PIGB: variants seen among roughly 807,000 people sequenced by gnomAD.
PIGB encodes GPI alpha-1,2-mannosyltransferase 3.
A neutral mutation model predicts 68.4 loss-of-function variants in PIGB; 58 were observed. The ratio of observed to expected loss-of-function variants is 0.85; its 90% CI spans 0.69 to 1.06. PIGB has a LOEUF of 1.06. Among genes scored for constraint, PIGB ranks in the 50% least tolerant of loss-of-function variants. The probability of loss-of-function intolerance (pLI) is 0.00; values close to 1 mark genes in which losing one functional copy is unlikely to be tolerated. For missense variants in PIGB, 634 were observed against 655.8 expected, an observed-to-expected ratio of 0.97 and a Z score of 0.36; for synonymous variants, 219 against 220.5, an observed-to-expected ratio of 0.99 and a Z score of 0.06.
At chr15:55,348,306 AAGTG>A (rs1157925771) in intron 9 of PIGB, 1 of 152,194 alleles carries the variant, frequency 6.6e-6, no homozygotes, top group Non-Finnish European at 1.5e-5. Flanking sequence ...AATTATTAAT[AAGTG>A]AATCACTTTA....
intron 11 of PIGB, 76 bp downstream of exon 11, chr15:55,355,054 A>T (rs1680590154): frequency 2.5e-6 from 3 of 1,215,096 alleles, no homozygotes; most frequent in Non-Finnish European, 3.5e-6. Context: ...AGGTAAATAG[A>T]TAATATAACC....
intron 4 of PIGB, 41 bp downstream of exon 4, chr15:55,327,676 C>T (rs777710439): frequency 4.3e-6 from 5 of 1,158,230 alleles, no homozygotes; most frequent in Middle Eastern, 1.9e-4. Context: ...CCAGTTATTT[C>T]GTTCCTATGG....
At chr15:55,320,193 A>G (rs772314095) in intron 1 of PIGB, 82 bp from the exon 2 acceptor site, 248 of 1,386,946 alleles carry the variant, frequency 1.8e-4, no homozygotes, top group Admixed American at 4.2e-4. Context: ...CAAGGAGCCA[A>G]CCAGAGCAGC....
In PIGB at chr15:55,319,259, G is replaced by C; in HGVS notation, c.9G>C (p.Arg3Ser). MR[R>S]PLSKCGMEPG... Reference sequence around the variant, plus strand: ...GAAGGTGGCGGCCAGGGATGAGGAGGCCCCTAAGCAAGTGCGGAATGGAGC... The same window carrying C: ...GAAGGTGGCGGCCAGGGATGAGGAGCCCCCTAAGCAAGTGCGGAATGGAGC... The change falls in exon 1 of 12, where the codon AGG (arginine) becomes AGC (serine). Residue 3 changes from arginine to serine, a missense_variant. Physicochemically the swap from Arg to Ser is moderately radical, Grantham distance 110 (BLOSUM62 -1). Coordinates refer to ENST00000164305, the MANE Select transcript of PIGB (RefSeq NM_004855.5). The C allele has an allele frequency of 6.2e-7, 1 of 1,606,100 alleles. No homozygotes were observed. The highest frequency in any genetic ancestry group is 1.3e-5 in the African/African-American group (1 of 74,942).
chr15:55,320,229 T>G (rs781497032), intron 1 of PIGB, 46 bp from the exon 2 acceptor site: 5 of 1,586,470 alleles, frequency 3.2e-6, no homozygotes, highest in Non-Finnish European at 4.3e-6. Flanking sequence ...CAAGTGGAAC[T>G]GCCTGACTTT....
At chr15:55,347,983 CTTTTTTTT>C (rs576991463) in intron 9 of PIGB, among the ~76,000 whole-genome samples, 1,622 of 94,008 alleles carry the variant, frequency 0.017, 25 homozygotes, top group African/African-American at 0.054. Context: ...GCCATAGTTT[CTTTTTTTT>C]TTTTTTTTTT....
At chr15:55,325,526 C>T (rs560415697) in intron 3 of PIGB, among the ~76,000 whole-genome samples, 3 of 152,110 alleles carry the variant, frequency 2.0e-5, no homozygotes, top group East Asian at 1.9e-4. Context: ...AGTTGTAATA[C>T]ATTTAGTCTT....
chr15:55,340,789 T>G lies in PIGB; in HGVS notation c.1024T>G (p.Leu342Val). The G allele has an allele frequency of 1.2e-6, 2 of 1,609,888 alleles. No individual in the cohort carries two copies. The highest frequency in any genetic ancestry group is 1.1e-5 in the South Asian group (1 of 90,244). ...AGCACCAAAGAGATACCGGATACTT[T>G]TGGTGACTGTGCTGTGGACACTGCT... is the stretch of plus-strand genomic sequence containing the variant. ...YLAPKRYRIL[L>V]VTVLWTLLVY... The change falls in exon 8 of 12, where the codon TTG becomes GTG. Residue 342 changes from leucine to valine, a missense_variant. Transcript: ENST00000164305.
chr15:55,321,747 G>A (rs1208000775), intron 3 of PIGB, among the ~76,000 whole-genome samples: 2 of 146,594 alleles, frequency 1.4e-5, no homozygotes, highest in African/African-American at 5.0e-5. Context: ...CCACCTCCCG[G>A]GTTCAAGCGA....
chr15:55,320,185 A>G, intron 1 of PIGB, 90 bp from the exon 2 acceptor site: 1 of 1,289,656 alleles, frequency 7.8e-7, no homozygotes, highest in Non-Finnish European at 1.1e-6. Flanking sequence ...GTGCCTTACA[A>G]GGAGCCAACC....
intron 3 of PIGB, among the ~76,000 whole-genome samples, chr15:55,322,894 A>G (rs2055198813): frequency 6.6e-6 from 1 of 152,208 alleles, no homozygotes; most frequent in South Asian, 2.1e-4. Context: ...ACAAGAAAAT[A>G]TACATAATCT....
chr15:55,320,501 CTCG>C, intron 2 of PIGB, 91 bp downstream of exon 2: 1 of 1,205,810 alleles, frequency 8.3e-7, no homozygotes, highest in Non-Finnish European at 1.2e-6. Context: ...CCCTTGCTCC[CTCG>C]TCTTCAGTAG....
rs1304551047 is a variant in PIGB, at chr15:55,333,923, T to C, written c.710T>C (p.Ile237Thr). Residue 237 changes from isoleucine to threonine, a missense_variant, in exon 6 of 12, where the codon ATT becomes ACT. By Grantham distance (89) the Ile-to-Thr change is moderately conservative. Coordinates refer to ENST00000164305, the MANE Select transcript of PIGB (RefSeq NM_004855.5). ...LAFIIRPTAV[I>T]LWTPLLFRHF... ...TTCATAATTCGTCCCACAGCTGTCA[T>C]TCTGTGGACACCTTTGCTCTTCAGA... The C allele has an allele frequency of 5.0e-6, 8 of 1,606,110 alleles. No individual in the cohort carries two copies. Among genetic ancestry groups the C allele is most frequent in the Non-Finnish European group, 6.8e-6 (8 of 1,174,738 alleles).
chr15:55,324,449 C>T (rs145438915), intron 3 of PIGB, among the ~76,000 whole-genome samples: 21 of 152,222 alleles, frequency 1.4e-4, no homozygotes, highest in Non-Finnish European at 2.8e-4. Flanking sequence ...TATTGTTATG[C>T]GAAAGTCTAC....
intron 7 of PIGB, among the ~76,000 whole-genome samples, chr15:55,339,846 C>A (rs1187896110): frequency 6.6e-6 from 1 of 152,094 alleles, no homozygotes; most frequent in African/African-American, 2.4e-5. Context: ...ATATAATGGA[C>A]TCTGGTGACT....
Position 55,332,003 on chromosome 15 carries a change from T to C in PIGB, c.654-1864T>C, listed in dbSNP as rs138780042. Reference sequence around the variant, plus strand: ...ATTTTATTTTTTTTTTTCGAGACAGTGTCTCTCTCTGTCGCCCAGGCTGGA... The same window carrying C: ...ATTTTATTTTTTTTTTTCGAGACAGCGTCTCTCTCTGTCGCCCAGGCTGGA... On this transcript the variant is annotated intron_variant, in intron 5 of 11. Coordinates refer to ENST00000164305, the MANE Select transcript of PIGB (RefSeq NM_004855.5). Among the ~76,000 whole-genome samples, 263 of 151,884 alleles carry C rather than the reference T, an allele frequency of 1.7e-3. 2 individuals carry two copies. Among genetic ancestry groups the C allele is most frequent in the African/African-American group, 6.1e-3 (251 of 41,400 alleles).
intron 9 of PIGB, among the ~76,000 whole-genome samples, chr15:55,342,549 A>G (rs1169125996): frequency 6.6e-6 from 1 of 151,950 alleles, no homozygotes. Flanking sequence ...CCGCCACCAT[A>G]CCCGGCTAAT....
At chr15:55,346,428 C>G (rs563436151) in intron 9 of PIGB, 22 of 152,122 alleles carry the variant, frequency 1.4e-4, no homozygotes, top group Non-Finnish European at 2.6e-4. Flanking sequence ...TCATCTAGTC[C>G]CATTCCCCAG....
intron 3 of PIGB, among the ~76,000 whole-genome samples, chr15:55,321,818 A>G (rs2055173649): frequency 6.7e-6 from 1 of 149,010 alleles, no homozygotes; most frequent in Non-Finnish European, 1.5e-5. Flanking sequence ...ATGCCCGGCT[A>G]ATTTTGTATT....
Sources: allele counts gnomAD v4.1 joint callset (sites outside exome capture counted in the v4.1 genomes callset), GRCh38; gene constraint gnomAD v4.1.1; transcripts MANE v1.5; gene names NCBI Gene and HGNC (gene_info 2026-07-23, HGNC 2026-07-21).